The following OPRM1 variants were observed in gnomAD, a reference collection of about 807,000 sequenced individuals.
OPRM1 encodes the protein mu-type opioid receptor.
In OPRM1, 27 loss-of-function variants were observed where a neutral mutation model predicts 31.8. The observed-to-expected ratio is 0.85, with a 90% CI of 0.63 to 1.17. The LOEUF is 1.17. Ranked by LOEUF, OPRM1 falls within the 50% of genes most tolerant of loss-of-function variation. The pLI is 0.00. For missense variants in OPRM1, 536 were observed against 511.1 expected (o/e 1.05, Z -0.47); for synonymous variants, 196 against 189.9 (o/e 1.03, Z -0.26).
intron 1 of OPRM1, chr6:154,087,126 G>A: frequency 4.1e-6 from 4 of 985,244 alleles, no homozygotes; most frequent in South Asian, 9.4e-5. Context: ...CCCAAAGTAA[G>A]TCCAAAAAAA....
intron 3 of OPRM1, among the ~76,000 whole-genome samples, chr6:154,147,327 G>T (rs1414705478): frequency 6.6e-6 from 1 of 152,178 alleles, no homozygotes; most frequent in South Asian, 2.1e-4. Context: ...GATTTCTGGA[G>T]AAACTTCCAA....
chr6:154,212,333 A>C (rs935736915), intron 3 of OPRM1, among the ~76,000 whole-genome samples: 1 of 152,144 alleles, frequency 6.6e-6, no homozygotes, highest in African/African-American at 2.4e-5. Flanking sequence ...CCCACTCCTG[A>C]CTTCCTGCTC....
chr6:154,228,473 G>A (rs190487773), intron 3 of OPRM1, among the ~76,000 whole-genome samples: 28 of 152,210 alleles, frequency 1.8e-4, no homozygotes, highest in Admixed American at 2.6e-4. Context: ...GAAGAAACAC[G>A]TTCCTTTTCA....
At chr6:154,113,548 A>C (rs1299825578) in intron 3 of OPRM1, among the ~76,000 whole-genome samples, 1 of 152,220 alleles carries the variant, frequency 6.6e-6, no homozygotes, top group Non-Finnish European at 1.5e-5. Context: ...TCACCTGGAC[A>C]GCCCTCCATA....
At chr6:154,107,261 A>G (rs1252212296) in intron 3 of OPRM1, among the ~76,000 whole-genome samples, 1 of 152,202 alleles carries the variant, frequency 6.6e-6, no homozygotes, top group African/African-American at 2.4e-5. Context: ...TCCGCTTTTA[A>G]TTAAACTGAT....
chr6:154,174,876 T>G (rs1477886058), intron 3 of OPRM1, among the ~76,000 whole-genome samples: 2 of 152,228 alleles, frequency 1.3e-5, no homozygotes, highest in East Asian at 3.8e-4. Flanking sequence ...TAGATTTTTC[T>G]CAGCACCACA....
chr6:154,071,870 C>T (rs1786827337), intron 1 of OPRM1, among the ~76,000 whole-genome samples: 1 of 152,136 alleles, frequency 6.6e-6, no homozygotes, highest in Admixed American at 6.5e-5. Context: ...GGTTTTATCT[C>T]TTTTCCAGGC....
chr6:154,045,664 G>C (rs1021600660), intron 1 of OPRM1, among the ~76,000 whole-genome samples: 3 of 152,216 alleles, frequency 2.0e-5, no homozygotes, highest in African/African-American at 7.2e-5. Context: ...TGATATGGCA[G>C]TCAGTTTCCA....
chr6:154,180,415 T>TATATATATATA (rs1491475267), intron 3 of OPRM1, among the ~76,000 whole-genome samples: 62 of 29,336 alleles, frequency 2.1e-3, no homozygotes, highest in African/African-American at 7.6e-3. Context: ...TATATATATA[T>TATATATATATA]TTTTTTTTTA....
intron 3 of OPRM1, among the ~76,000 whole-genome samples, chr6:154,151,137 C>T (rs1159587364): frequency 2.6e-5 from 4 of 152,206 alleles, no homozygotes; most frequent in Admixed American, 6.5e-5. Context: ...AACCAAGGAG[C>T]GCCCATCTCT....
intron 1 of OPRM1, among the ~76,000 whole-genome samples, chr6:154,080,178 A>T (rs144351943): frequency 3.3e-5 from 5 of 152,336 alleles, no homozygotes; most frequent in African/African-American, 1.2e-4. Context: ...TATATGAGCT[A>T]TAAGATTTAT....
At chr6:154,227,760 A>G (rs1779374171) in intron 3 of OPRM1, among the ~76,000 whole-genome samples, 1 of 152,348 alleles carries the variant, frequency 6.6e-6, no homozygotes, top group Non-Finnish European at 1.5e-5. Flanking sequence ...CATGTAAAAA[A>G]TAAATGGTAA....
chr6:154,241,395 T>G (rs1394780327), intron 3 of OPRM1, among the ~76,000 whole-genome samples: 1 of 152,046 alleles, frequency 6.6e-6, no homozygotes, highest in Non-Finnish European at 1.5e-5. Flanking sequence ...TCTAATAATT[T>G]TATACAAAGA....
At chr6:154,023,172 A>C (rs1021098343) in intron 1 of OPRM1, among the ~76,000 whole-genome samples, 4 of 152,178 alleles carry the variant, frequency 2.6e-5, no homozygotes, top group Non-Finnish European at 5.9e-5. Context: ...TTGATTCTTC[A>C]AATACATGAA....
rs903312251 is a variant in OPRM1 at position 154,124,153 on chromosome 6, T to G, written c.*5432T>G. On this transcript the variant is annotated 3_prime_UTR_variant, in exon 4 of 4. Transcript: ENST00000330432. ...AAGGTACTTTTGTAGCAAGGTACTT[T>G]CCACACAATATTGAATAAATGCAGT... is the stretch of plus-strand genomic sequence containing the variant. Among the ~76,000 whole-genome samples, 4 of 152,234 alleles carry G rather than the reference T, an allele frequency of 2.6e-5. No homozygotes were observed. Among genetic ancestry groups the G allele is most frequent in the African/African-American group, 4.8e-5 (2 of 41,450 alleles).
intron 3 of OPRM1, among the ~76,000 whole-genome samples, chr6:154,202,749 G>A (rs898323698): frequency 3.9e-5 from 6 of 152,096 alleles, no homozygotes; most frequent in Admixed American, 3.3e-4. Flanking sequence ...AAGTGTCATC[G>A]TGTTTGTGCT....
chr6:154,221,198 C>A, intron 3 of OPRM1: 2 of 1,199,312 alleles, frequency 1.7e-6, no homozygotes, highest in Admixed American at 1.9e-5. Context: ...ATTCCAGTAC[C>A]AGGCTAAAGT....
rs774320200 is a variant in OPRM1 at position 154,091,059 on chromosome 6, A to G, written c.751A>G (p.Thr251Ala). The G allele has an allele frequency of 6.2e-7, 1 of 1,614,160 alleles. No individual in the cohort carries two copies. The highest frequency in any genetic ancestry group is 8.5e-7 in the Non-Finnish European group (1 of 1,180,006). Residue 251 changes from threonine to alanine, a missense_variant, in exon 3 of 4, where the codon ACC (threonine) becomes GCC (alanine). Coordinates refer to ENST00000330432, the MANE Select transcript of OPRM1 (RefSeq NM_000914.5). ...FAFIMPVLII[T>A]VCYGLMILRL... ...CTTCATTATGCCAGTGCTCATCATT[A>G]CCGTGTGCTATGGACTGATGATCTT...
chr6:154,122,194 C>G lies in OPRM1; in HGVS notation c.*3473C>G, dbSNP rs1797344865. Among the ~76,000 whole-genome samples the G allele has an allele frequency of 6.6e-6, 1 of 152,186 alleles. No homozygotes were observed. The highest frequency in any genetic ancestry group is 2.1e-4 in the South Asian group (1 of 4,836). ...TGTTTGTACAATTCTTGAGGTCAAT[C>G]AGAACCAAAAAATCTGTTGCTGGAA... On this transcript the variant is annotated 3_prime_UTR_variant, in exon 4 of 4. Transcript: ENST00000330432.
Sources: gnomAD v4.1 joint callset for allele counts (sites outside exome capture counted in the v4.1 genomes callset) on GRCh38, gnomAD v4.1.1 for gene constraint, MANE v1.5 for transcripts, NCBI Gene and HGNC (gene_info 2026-07-23, HGNC 2026-07-21) for gene names.